FOCAD: variants seen among roughly 807,000 people sequenced by gnomAD.
FOCAD encodes the protein focadhesin.
Under a neutral mutation model 225.6 loss-of-function variants are expected in FOCAD, and 198 were observed. The observed-to-expected ratio is 0.88, with a 90% CI of 0.78 to 0.99. The LOEUF (loss-of-function observed/expected upper bound fraction) is 0.99. Ranked by LOEUF, FOCAD falls within the 50% of genes least tolerant of loss-of-function variation. The pLI is 0.00. For synonymous variants in FOCAD, 897 were observed against 755.0 expected, an observed-to-expected ratio of 1.19 and a Z score of -3.08; for missense variants, 2,713 against 2,123.6, an observed-to-expected ratio of 1.28 and a Z score of -5.46.
intron 15 of FOCAD, among the ~76,000 whole-genome samples, chr9:20,839,413 C>T (rs146913193): frequency 5.5e-4 from 83 of 151,900 alleles, no homozygotes; most frequent in Middle Eastern, 3.4e-3. Context: ...TGTGCAGACC[C>T]GTGCCTGACT....
rs372042039 is a variant in FOCAD, at chr9:20,693,517, C to G, written c.-33+9224C>G. Among the ~76,000 whole-genome samples, 5 of 152,150 alleles carry G rather than the reference C, an allele frequency of 3.3e-5. No homozygotes were observed. In the East Asian group the frequency reaches 7.7e-4, roughly 23 times the overall value. On this transcript the variant is annotated intron_variant, in intron 1 of 43. Coordinates refer to ENST00000338382, the MANE Select transcript of FOCAD (RefSeq NM_001375567.1). ...AATCTATAAGGGCAGGGATTTTTCT[C>G]TGTTTTCCCAGTGCTTAGTATAGTG...
At chr9:20,765,754 C>T (rs1434430421) in intron 7 of FOCAD, among the ~76,000 whole-genome samples, 3 of 152,142 alleles carry the variant, frequency 2.0e-5, no homozygotes, top group African/African-American at 7.2e-5. Context: ...TCCAGTTGCC[C>T]AGGTGTTGTG....
intron 28 of FOCAD, among the ~76,000 whole-genome samples, chr9:20,934,625 C>T (rs1227327148): frequency 6.6e-6 from 1 of 151,918 alleles, no homozygotes; most frequent in Non-Finnish European, 1.5e-5. Flanking sequence ...CAGTACCATG[C>T]TGTTTTGGTG....
At chr9:20,693,231 C>G (rs1345013855) in intron 1 of FOCAD, among the ~76,000 whole-genome samples, 1 of 152,184 alleles carries the variant, frequency 6.6e-6, no homozygotes, top group Non-Finnish European at 1.5e-5. Flanking sequence ...CTGAGGCATG[C>G]TTTCACCATG....
chr9:20,835,848 A>G (rs1283778279), intron 15 of FOCAD, among the ~76,000 whole-genome samples: 1 of 152,044 alleles, frequency 6.6e-6, no homozygotes, highest in Non-Finnish European at 1.5e-5. Flanking sequence ...GCCCAGCTCC[A>G]AGAGGGTGCT....
intron 15 of FOCAD, among the ~76,000 whole-genome samples, chr9:20,854,162 G>A (rs1368309942): frequency 6.6e-6 from 1 of 151,676 alleles, no homozygotes; most frequent in African/African-American, 2.4e-5. Flanking sequence ...AAAGGAGTAG[G>A]CTGTTCTCAG....
At chr9:20,714,634 G>GCCTGCCTGCCTGCCTTCCTTCCTT (rs1270720981) in intron 1 of FOCAD, among the ~76,000 whole-genome samples, 10 of 120,116 alleles carry the variant, frequency 8.3e-5, no homozygotes, top group East Asian at 7.2e-4. Context: ...CTGCCTGCCT[G>GCCTGCCTGCCTGCCTTCCTTCCTT]CCTTCCTTCC....
At chr9:20,666,071 C>T (rs950933597) in intron 2 of FOCAD, among the ~76,000 whole-genome samples, 9 of 152,042 alleles carry the variant, frequency 5.9e-5, no homozygotes, top group African/African-American at 2.2e-4. Context: ...ATTTTTGTAT[C>T]TCTATCTCTG....
intron 4 of FOCAD, among the ~76,000 whole-genome samples, chr9:20,728,533 G>A (rs1210424567): frequency 1.3e-5 from 2 of 152,216 alleles, no homozygotes; most frequent in African/African-American, 4.8e-5. Flanking sequence ...TTTTGGATTT[G>A]TTGATTAGGG....
intron 35 of FOCAD, among the ~76,000 whole-genome samples, chr9:20,969,213 G>C (rs752184711): frequency 6.6e-5 from 10 of 152,012 alleles, no homozygotes; most frequent in Non-Finnish European, 1.3e-4. Context: ...AGAATGTTCC[G>C]TGTGCTCTTG....
In FOCAD at chr9:20,995,877, G is replaced by A. The variant is rs1587815688; in HGVS notation, c.*248G>A. 3.6e-6 allele frequency: 1 copy of A among 275,436 alleles called. No homozygotes were observed. The allele number at this position is 275,436 out of a possible 1,614,324, so 17.1% of individuals were successfully genotyped here. On this transcript the variant is annotated 3_prime_UTR_variant, in exon 44 of 44. Coordinates refer to ENST00000338382, the MANE Select transcript of FOCAD (RefSeq NM_001375567.1). The stretch of plus-strand genomic sequence containing the variant: ...TTTCTTTATTTGGCTTGAGTTCAAT[G>A]TGGAGATTTTCTTTGTGAAAGCTTG...
intron 39 of FOCAD, among the ~76,000 whole-genome samples, chr9:20,983,521 G>C (rs370278429): frequency 1.9e-4 from 27 of 145,880 alleles, no homozygotes; most frequent in African/African-American, 6.7e-4. Context: ...GCAGTGAGCC[G>C]AGATCCCACC....
chr9:20,968,329 A>G (rs1031793245), intron 35 of FOCAD, among the ~76,000 whole-genome samples: 1 of 146,906 alleles, frequency 6.8e-6, no homozygotes, highest in Non-Finnish European at 1.5e-5. Context: ...TTTTATTTGC[A>G]TGCTCTTTAT....
chr9:20,762,927 T>C (rs17832189), intron 6 of FOCAD, among the ~76,000 whole-genome samples: 30,353 of 152,132 alleles, frequency 0.2, 3,280 homozygotes, highest in Non-Finnish European at 0.24. Context: ...TCAAGCATAA[T>C]TTAAATACCG....
At chr9:20,799,601 A>G (rs1321952167) in intron 11 of FOCAD, among the ~76,000 whole-genome samples, 1 of 151,636 alleles carries the variant, frequency 6.6e-6, no homozygotes, top group Non-Finnish European at 1.5e-5. Flanking sequence ...CCATTATGTA[A>G]TGGCCTTCTT....
At chr9:20,685,593 TTACA>T (rs1326058334) in intron 1 of FOCAD, among the ~76,000 whole-genome samples, 7 of 152,322 alleles carry the variant, frequency 4.6e-5, no homozygotes, top group Admixed American at 1.3e-4. Context: ...CTTTTTAATG[TTACA>T]TACAAAGGTA....
intron 22 of FOCAD, among the ~76,000 whole-genome samples, chr9:20,907,674 T>A (rs747017755): frequency 7.2e-5 from 11 of 152,114 alleles, no homozygotes; most frequent in African/African-American, 1.2e-4. Flanking sequence ...TTTGTTTTCC[T>A]AAACTCAGCA....
chr9:20,689,435 C>T (rs562281106), intron 1 of FOCAD, among the ~76,000 whole-genome samples: 19 of 150,878 alleles, frequency 1.3e-4, no homozygotes, highest in African/African-American at 4.4e-4. Flanking sequence ...GATGTTATGC[C>T]CTCAAAAGTA....
chr9:20,953,826 G>T (rs2132398498), intron 35 of FOCAD, among the ~76,000 whole-genome samples: 1 of 152,156 alleles, frequency 6.6e-6, no homozygotes, highest in Non-Finnish European at 1.5e-5. Flanking sequence ...CCTTGGTTAG[G>T]TCAGTCTGGG....
Sources: allele counts gnomAD v4.1 joint callset (sites outside exome capture counted in the v4.1 genomes callset), GRCh38; gene constraint gnomAD v4.1.1; transcripts MANE v1.5; gene names NCBI Gene and HGNC (gene_info 2026-07-23, HGNC 2026-07-21).